The following TENM2 variants were observed in gnomAD, a reference collection of about 807,000 sequenced individuals.
The protein encoded by TENM2 is teneurin-2.
In TENM2, 52 loss-of-function variants were observed where a neutral mutation model predicts 245.2. The observed-to-expected ratio is 0.21, with a 90% CI of 0.17 to 0.27. TENM2 has a LOEUF of 0.27. Ranked by LOEUF, TENM2 falls within the 10% of genes least tolerant of loss-of-function variation. The pLI is 1.00. For missense variants in TENM2, 3,046 were observed against 3,666.8 expected (o/e 0.83, Z 4.37); for synonymous variants, 1,363 against 1,438.9 (o/e 0.95, Z 1.19).
chr5:167,298,896 G>A (rs1369063437), intron 1 of TENM2, among the ~76,000 whole-genome samples: 4 of 152,200 alleles, frequency 2.6e-5, no homozygotes, highest in Non-Finnish European at 5.9e-5. Flanking sequence ...GTGAATAGGA[G>A]TGTGACTAGA....
intron 3 of TENM2, among the ~76,000 whole-genome samples, chr5:167,910,233 G>A (rs1776442439): frequency 6.6e-6 from 1 of 152,022 alleles, no homozygotes; most frequent in East Asian, 1.9e-4. Flanking sequence ...TTTCCCACTG[G>A]GAACAGATGG....
the TENM2 span, among the ~76,000 whole-genome samples, chr5:167,037,555 G>A: frequency 6.6e-6 from 1 of 152,094 alleles, no homozygotes; most frequent in Non-Finnish European, 1.5e-5. Flanking sequence ...AGTTATACTG[G>A]GACCCTCTTT....
chr5:167,274,500 C>T, the TENM2 span, among the ~76,000 whole-genome samples: 6 of 151,958 alleles, frequency 3.9e-5, no homozygotes, highest in African/African-American at 1.4e-4. Context: ...CATAAGTTTT[C>T]ATTTCTCTGT....
chr5:167,525,072 C>T (rs909051102), intron 2 of TENM2, among the ~76,000 whole-genome samples: 1 of 152,020 alleles, frequency 6.6e-6, no homozygotes, highest in African/African-American at 2.4e-5. Context: ...TGAGCAGTTT[C>T]TGTGTTGATC....
chr5:167,337,883 A>C (rs2127805527), intron 1 of TENM2, among the ~76,000 whole-genome samples: 1 of 152,360 alleles, frequency 6.6e-6, no homozygotes, highest in African/African-American at 2.4e-5. Context: ...ATTATAAATC[A>C]GTGAGATTAA....
At chr5:168,258,913 T>G (rs568643365) in intron 27 of TENM2, among the ~76,000 whole-genome samples, 1 of 152,238 alleles carries the variant, frequency 6.6e-6, no homozygotes, top group African/African-American at 2.4e-5. Flanking sequence ...CCAGGCACAG[T>G]GGCTCATACC....
At chr5:167,920,504 G>T (rs1380063165) in intron 3 of TENM2, among the ~76,000 whole-genome samples, 1 of 135,446 alleles carries the variant, frequency 7.4e-6, no homozygotes, top group African/African-American at 2.8e-5. Context: ...GGCAACAAGA[G>T]CGAAACTCCA....
At chr5:167,546,520 G>C (rs1457555773) in intron 2 of TENM2, among the ~76,000 whole-genome samples, 1 of 152,184 alleles carries the variant, frequency 6.6e-6, no homozygotes, top group Admixed American at 6.5e-5. Context: ...CTAACGCTAA[G>C]TCTTTGCTCA....
chr5:167,610,479 C>A (rs866972865), intron 2 of TENM2, among the ~76,000 whole-genome samples: 2 of 152,104 alleles, frequency 1.3e-5, no homozygotes, highest in East Asian at 1.9e-4. Flanking sequence ...AATCTAGGGG[C>A]CCCCTATTCA....
chr5:168,239,799 A>G (rs189902113), intron 25 of TENM2, among the ~76,000 whole-genome samples: 37 of 152,342 alleles, frequency 2.4e-4, no homozygotes, highest in Admixed American at 2.4e-3. Flanking sequence ...ATATGATTAT[A>G]TTATGGTTAT....
chr5:167,086,929 G>A, the TENM2 span, among the ~76,000 whole-genome samples: 192 of 90,920 alleles, frequency 2.1e-3, 4 homozygotes, highest in Admixed American at 4.0e-3. Context: ...ACACACACAC[G>A]CACACACACA....
intron 2 of TENM2, among the ~76,000 whole-genome samples, chr5:167,696,815 T>TG (rs2150422491): frequency 6.6e-6 from 1 of 152,282 alleles, no homozygotes; most frequent in African/African-American, 2.4e-5. Context: ...TGCACCTCCC[T>TG]GGAACCATTC....
intron 2 of TENM2, among the ~76,000 whole-genome samples, chr5:167,580,007 T>C (rs1774978832): frequency 1.3e-5 from 2 of 152,246 alleles, no homozygotes; most frequent in South Asian, 4.1e-4. Context: ...TACAAGTTTT[T>C]GAGAAATGTG....
chr5:168,226,344 C>T (rs1473237992), intron 24 of TENM2, 81 bp downstream of exon 26: 28 of 1,381,916 alleles, frequency 2.0e-5, no homozygotes, highest in Non-Finnish European at 2.5e-5. Flanking sequence ...GTGAGTTATG[C>T]AGCCTGGGAG....
chr5:167,030,677 T>G, the TENM2 span, among the ~76,000 whole-genome samples: 1 of 152,040 alleles, frequency 6.6e-6, no homozygotes, highest in Non-Finnish European at 1.5e-5. Context: ...CTCGCTTCTG[T>G]CCCTGTAGTA....
chr5:167,139,877 A>C, the TENM2 span, among the ~76,000 whole-genome samples: 1 of 152,238 alleles, frequency 6.6e-6, no homozygotes, highest in Non-Finnish European at 1.5e-5. Flanking sequence ...TACATGCTTC[A>C]TGACAGTTGG....
chr5:167,435,398 A>G (rs527325279), intron 2 of TENM2, among the ~76,000 whole-genome samples: 1 of 152,148 alleles, frequency 6.6e-6, no homozygotes, highest in Middle Eastern at 3.4e-3. Context: ...ACAAGGAGAA[A>G]CCCGTTTTGC....
intron 1 of TENM2, among the ~76,000 whole-genome samples, chr5:167,286,598 C>T (rs771294986): frequency 1.8e-4 from 28 of 152,218 alleles, no homozygotes; most frequent in Non-Finnish European, 3.7e-4. Context: ...AAAGGTGATG[C>T]ACGTTCAACG....
At chr5:167,935,994 T>G (rs951235786) in intron 3 of TENM2, among the ~76,000 whole-genome samples, 3 of 152,196 alleles carry the variant, frequency 2.0e-5, no homozygotes, top group Admixed American at 6.5e-5. Context: ...TTTAAACTTT[T>G]TATTTCTTTT....
Sources: gnomAD v4.1 joint callset for allele counts (sites outside exome capture counted in the v4.1 genomes callset) on GRCh38, gnomAD v4.1.1 for gene constraint, MANE v1.5 for transcripts, NCBI Gene and HGNC (gene_info 2026-07-23, HGNC 2026-07-21) for gene names.